DISC1: variants seen among roughly 807,000 people sequenced by gnomAD.
DISC1 encodes disrupted in schizophrenia 1 protein.
In DISC1, 57 loss-of-function variants were observed where a neutral mutation model predicts 84.5. The ratio of observed to expected loss-of-function variants is 0.67; its 90% CI spans 0.55 to 0.84. The LOEUF is 0.84. Ranked by LOEUF, DISC1 falls within the 40% of genes least tolerant of loss-of-function variation. The pLI, the probability that DISC1 is intolerant of heterozygous loss-of-function variation, is 0.00. For synonymous variants in DISC1, 411 were observed against 415.2 expected, an observed-to-expected ratio of 0.99 and a Z score of 0.12; for missense variants, 1,000 against 1,057.8, an observed-to-expected ratio of 0.95 and a Z score of 0.76.
chr1:231,924,388 A>C (rs573772273), intron 9 of DISC1, among the ~76,000 whole-genome samples: 1 of 152,254 alleles, frequency 6.6e-6, no homozygotes, highest in Non-Finnish European at 1.5e-5. Flanking sequence ...AAGAAGGCAC[A>C]TATGAGTGCC....
intron 10 of DISC1, among the ~76,000 whole-genome samples, chr1:231,973,038 A>G (rs1199226205): frequency 1.3e-5 from 2 of 150,640 alleles, no homozygotes; most frequent in Non-Finnish European, 1.5e-5. Context: ...TAGTATGCCA[A>G]TGTCTTGTTC....
intron 1 of DISC1, among the ~76,000 whole-genome samples, chr1:231,672,404 C>A (rs1449119758): frequency 6.6e-6 from 1 of 152,170 alleles, no homozygotes; most frequent in Non-Finnish European, 1.5e-5. Context: ...ATCTGAAGAT[C>A]ATTTTCTTTA....
rs1318759278 is a variant in DISC1, at chr1:231,897,106, G to T, written c.1982-61722G>T. The stretch of plus-strand genomic sequence containing the variant: ...GGAAGGTGGGGATTCAGTTTGCCTG[G>T]CAGGGCATGGTAAGACTTCAGAAAG... On this transcript the variant is annotated intron_variant, in intron 9 of 12. Coordinates refer to ENST00000439617, the MANE Select transcript of DISC1 (RefSeq NM_018662.3). This position sits in a 1 kb window ranked among gnomAD's most constrained non-coding sequence, Gnocchi z 4.5. Among the ~76,000 whole-genome samples, 2 of 152,204 alleles carry T rather than the reference G, an allele frequency of 1.3e-5. No homozygotes were observed. The highest frequency in any genetic ancestry group is 2.9e-5 in the Non-Finnish European group (2 of 68,036).
intron 11 of DISC1, among the ~76,000 whole-genome samples, chr1:232,023,040 A>C (rs1030061289): frequency 9.5e-6 from 1 of 104,872 alleles, no homozygotes; most frequent in African/African-American, 3.1e-5. Flanking sequence ...AAAAACTAAA[A>C]AAAATTTCAG....
At chr1:231,923,153 G>A (rs1368994091) in intron 9 of DISC1, among the ~76,000 whole-genome samples, 1 of 151,880 alleles carries the variant, frequency 6.6e-6, no homozygotes, top group East Asian at 1.9e-4. Context: ...TGGGTGTGGT[G>A]GCATGCGTCT....
intron 9 of DISC1, among the ~76,000 whole-genome samples, chr1:231,859,291 A>C (rs918125496): frequency 6.6e-6 from 1 of 152,178 alleles, no homozygotes; most frequent in African/African-American, 2.4e-5. Context: ...TGCTGTAACA[A>C]AGTACCATAG....
chr1:231,952,440 A>T (rs1193147868), intron 9 of DISC1, among the ~76,000 whole-genome samples: 1 of 152,098 alleles, frequency 6.6e-6, no homozygotes, highest in Non-Finnish European at 1.5e-5. Context: ...TGAACTCAGA[A>T]ATCCTCTCTT....
At chr1:231,966,105 A>G (rs1258108858) in intron 10 of DISC1, among the ~76,000 whole-genome samples, 1 of 152,246 alleles carries the variant, frequency 6.6e-6, no homozygotes, top group Non-Finnish European at 1.5e-5. Context: ...TCGCAATTTT[A>G]TCTTGTTCCT....
intron 9 of DISC1, among the ~76,000 whole-genome samples, chr1:231,890,480 A>G (rs1033052053): frequency 3.3e-5 from 5 of 152,222 alleles, no homozygotes; most frequent in African/African-American, 9.6e-5. Flanking sequence ...ATTCCTTAAA[A>G]ATGACACTAT....
chr1:232,023,985 A>C (rs756259841), intron 11 of DISC1, among the ~76,000 whole-genome samples: 4 of 151,532 alleles, frequency 2.6e-5, no homozygotes, highest in Admixed American at 6.6e-5. Flanking sequence ...CCTCAATTTC[A>C]TATCTTTGAT....
At chr1:231,688,042 A>G (rs941317178) in intron 1 of DISC1, among the ~76,000 whole-genome samples, 15 of 152,218 alleles carry the variant, frequency 9.9e-5, no homozygotes, top group African/African-American at 3.1e-4. Flanking sequence ...CCAAAACCAC[A>G]TACATTCTAA....
intron 11 of DISC1, among the ~76,000 whole-genome samples, chr1:232,011,265 G>A (rs564750869): frequency 6.6e-6 from 1 of 152,162 alleles, no homozygotes; most frequent in East Asian, 1.9e-4. Context: ...AAAAAGAGTG[G>A]AGCCTTATCC....
chr1:231,830,539 G>A (rs569498720), intron 9 of DISC1, among the ~76,000 whole-genome samples: 3 of 152,346 alleles, frequency 2.0e-5, no homozygotes, highest in African/African-American at 4.8e-5. Flanking sequence ...GATATCAGCT[G>A]TGATGGCTTG....
At chr1:231,725,397 A>G (rs1010414600) in intron 3 of DISC1, among the ~76,000 whole-genome samples, 1 of 152,210 alleles carries the variant, frequency 6.6e-6, no homozygotes, top group Admixed American at 6.5e-5. Context: ...GCTCATTAGC[A>G]TAAGACATCC....
At chr1:232,036,615 T>C in intron 12 of DISC1, 77 bp from the exon 13 acceptor site, 1 of 1,373,698 alleles carries the variant, frequency 7.3e-7, no homozygotes. Context: ...TCCAGCAGGC[T>C]CACACGCTCT....
intron 9 of DISC1, among the ~76,000 whole-genome samples, chr1:231,822,252 A>G (rs1009908709): frequency 1.3e-5 from 2 of 152,208 alleles, no homozygotes; most frequent in Non-Finnish European, 2.9e-5. Context: ...GCCTGAGTAG[A>G]AAAGATACTG....
At chr1:231,888,900 A>G (rs2086992505) in intron 9 of DISC1, among the ~76,000 whole-genome samples, 1 of 152,034 alleles carries the variant, frequency 6.6e-6, no homozygotes, top group South Asian at 2.1e-4. Context: ...GTTTTGGTTT[A>G]AAAGATAGAA....
chr1:231,749,227 T>C (rs182652518), intron 3 of DISC1, among the ~76,000 whole-genome samples: 162 of 152,326 alleles, frequency 1.1e-3, no homozygotes, highest in Admixed American at 1.8e-3. Context: ...TGGTCCTTTT[T>C]TTTGGTGGGG....
At chr1:231,839,429 A>C (rs1182520649) in intron 9 of DISC1, among the ~76,000 whole-genome samples, 1 of 152,214 alleles carries the variant, frequency 6.6e-6, no homozygotes, top group Non-Finnish European at 1.5e-5. Flanking sequence ...ATATTAGTTT[A>C]TGTGATTATT....
Sources: allele counts gnomAD v4.1 joint callset (sites outside exome capture counted in the v4.1 genomes callset), GRCh38; gene constraint gnomAD v4.1.1; non-coding constraint Gnocchi (gnomAD v3.1); transcripts MANE v1.5; gene names NCBI Gene and HGNC (gene_info 2026-07-23, HGNC 2026-07-21).